SEMA3E: variants seen among roughly 807,000 people sequenced by gnomAD.
SEMA3E encodes semaphorin 3E.
A neutral mutation model predicts 93.6 loss-of-function variants in SEMA3E; 49 were observed. The observed-to-expected ratio is 0.52, with a 90% CI of 0.42 to 0.66. The LOEUF (loss-of-function observed/expected upper bound fraction) is 0.66, where lower values mean the gene tolerates loss of function less well. SEMA3E is among the 30% of genes least tolerant of loss of function. The pLI, the probability that SEMA3E is intolerant of heterozygous loss-of-function variation, is 0.00. For missense variants in SEMA3E, 906 were observed against 964.8 expected (o/e 0.94, Z 0.81); for synonymous variants, 363 against 330.7 (o/e 1.10, Z -1.06).
In SEMA3E at chr7:83,648,460, G is replaced by C. The variant is rs1016063445; in HGVS notation, c.83C>G (p.Thr28Ser). 5 of 1,611,588 alleles carry C rather than the reference G, an allele frequency of 3.1e-6. No individual in the cohort carries two copies. In the African/African-American group the frequency reaches 6.8e-5, roughly 22 times the overall value. Reference sequence around the variant, plus strand: ...TGACAGGCGTAACCGGGGGTGGGTAGTATCAGCTGTATGACCTCCTGTCCA... The same window carrying C: ...TGACAGGCGTAACCGGGGGTGGGTACTATCAGCTGTATGACCTCCTGTCCA... The part of the protein sequence containing the change: ...ELWTGGHTAD[T>S]THPRLRLSHK... The change falls in exon 1 of 17, where the codon ACT (threonine) becomes AGT (serine). Residue 28 changes from threonine to serine, a missense_variant. By Grantham distance (58) the Thr-to-Ser change is moderately conservative. Transcript: ENST00000643230.
At chr7:83,428,738 GT>G (rs1376492984) in intron 4 of SEMA3E, among the ~76,000 whole-genome samples, 2 of 151,962 alleles carry the variant, frequency 1.3e-5, no homozygotes, top group Admixed American at 6.6e-5. Context: ...TTTTAATTGC[GT>G]TTTAACATTT....
At position 83,419,043 on chromosome 7, in the gene SEMA3E, C is replaced by A. The variant is rs147846581; in HGVS notation, c.457-560G>T. 2.2e-3 allele frequency among the ~76,000 whole-genome samples: 335 copies of A among 152,008 alleles called. 5 individuals carry two copies. Among genetic ancestry groups the A allele is most frequent in the Non-Finnish European group, 2.2e-3 (147 of 67,966 alleles). On this transcript the variant is annotated intron_variant, in intron 4 of 16. Transcript: ENST00000643230. ...CAGGCATTTTGTCAGCCCCTGCCCC[C>A]CTACGTCTCATCCCCCTCCAGTGGT... is the stretch of plus-strand genomic sequence containing the variant.
At chr7:83,580,740 A>G (rs944976789) in intron 1 of SEMA3E, among the ~76,000 whole-genome samples, 2 of 151,978 alleles carry the variant, frequency 1.3e-5, no homozygotes, top group Admixed American at 1.3e-4. Context: ...CGTAACTGTC[A>G]ATTTATATAA....
chr7:83,641,366 T>C (rs1794006526), intron 1 of SEMA3E: 4 of 985,388 alleles, frequency 4.1e-6, no homozygotes, highest in Non-Finnish European at 4.8e-6. Context: ...TGGGAGACTT[T>C]CTTTCACTTT....
chr7:83,439,937 T>A (rs1041891491), intron 4 of SEMA3E, among the ~76,000 whole-genome samples: 4 of 152,310 alleles, frequency 2.6e-5, no homozygotes, highest in South Asian at 4.1e-4. Context: ...TGATCAGTGG[T>A]AAAAGAATGT....
chr7:83,585,911 C>G (rs1792616876), intron 1 of SEMA3E, among the ~76,000 whole-genome samples: 1 of 152,118 alleles, frequency 6.6e-6, no homozygotes, highest in African/African-American at 2.4e-5. Flanking sequence ...GCCTTGCTAC[C>G]TACTTCATGA....
At chr7:83,578,377 C>T (rs1792451822) in intron 1 of SEMA3E, among the ~76,000 whole-genome samples, 2 of 152,016 alleles carry the variant, frequency 1.3e-5, no homozygotes, top group East Asian at 1.9e-4. Context: ...GCTAACATGG[C>T]GAAACCCACC....
At chr7:83,536,388 A>G (rs1388550926) in intron 1 of SEMA3E, among the ~76,000 whole-genome samples, 1 of 152,148 alleles carries the variant, frequency 6.6e-6, no homozygotes, top group Non-Finnish European at 1.5e-5. Flanking sequence ...AATTTTTTAA[A>G]ATAGTACAAT....
chr7:83,495,057 C>G (rs944129058), intron 1 of SEMA3E, among the ~76,000 whole-genome samples: 3 of 151,848 alleles, frequency 2.0e-5, no homozygotes, highest in Non-Finnish European at 4.4e-5. Flanking sequence ...TGTCTTTATC[C>G]ATGAACAAAT....
intron 4 of SEMA3E, among the ~76,000 whole-genome samples, chr7:83,441,189 AG>A: frequency 6.6e-6 from 1 of 152,332 alleles, no homozygotes; most frequent in East Asian, 1.9e-4. Context: ...TACAGCCAAA[AG>A]GATTCTGCTA....
intron 3 of SEMA3E, among the ~76,000 whole-genome samples, chr7:83,468,473 G>T (rs940296641): frequency 6.6e-6 from 1 of 152,092 alleles, no homozygotes; most frequent in African/African-American, 2.4e-5. Context: ...ACAGGAATGT[G>T]CTGACTCACT....
Position 83,497,610 on chromosome 7 carries a change from G to T in SEMA3E, c.116-7336C>A, listed in dbSNP as rs184618483. ...ATGCTTTGATGATTTTGACAGATTT[G>T]ACTGATGATCACTAGTGGCTTATGA... On this transcript the variant is annotated intron_variant, in intron 1 of 16. Transcript: ENST00000643230. Among the ~76,000 whole-genome samples, 7 of 152,302 alleles carry T rather than the reference G, an allele frequency of 4.6e-5. No individual in the cohort carries two copies. In the East Asian group the frequency reaches 1.4e-3, roughly 29 times the overall value.
At chr7:83,392,362 A>C (rs1788035268) in intron 14 of SEMA3E, among the ~76,000 whole-genome samples, 193 bp downstream of exon 14, 1 of 152,006 alleles carries the variant, frequency 6.6e-6, no homozygotes, top group Admixed American at 6.6e-5. Context: ...TTGCAGCAAA[A>C]GTTTCAAAAG....
chr7:83,466,169 G>A (rs1789751636), intron 4 of SEMA3E, among the ~76,000 whole-genome samples: 2 of 152,078 alleles, frequency 1.3e-5, no homozygotes, highest in South Asian at 4.1e-4. Context: ...CAGTTTGGTG[G>A]TTAAATTAAT....
intron 11 of SEMA3E, among the ~76,000 whole-genome samples, chr7:83,399,389 A>G (rs989011786): frequency 6.6e-6 from 1 of 152,130 alleles, no homozygotes; most frequent in Non-Finnish European, 1.5e-5. Context: ...ACTTTGTTTT[A>G]TTAATGCAGG....
At chr7:83,505,666 TAC>T (rs1281891728) in intron 1 of SEMA3E, among the ~76,000 whole-genome samples, 5 of 152,042 alleles carry the variant, frequency 3.3e-5, no homozygotes, top group African/African-American at 1.2e-4. Context: ...CCATAAGAAT[TAC>T]AGAATTAGTT....
intron 1 of SEMA3E, among the ~76,000 whole-genome samples, chr7:83,510,686 G>A (rs913240452): frequency 3.3e-5 from 5 of 152,042 alleles, no homozygotes; most frequent in African/African-American, 1.2e-4. Context: ...ATTTTTACCT[G>A]GCAAAAGTTG....
chr7:83,515,568 T>C (rs1186159351), intron 1 of SEMA3E, among the ~76,000 whole-genome samples: 1 of 152,186 alleles, frequency 6.6e-6, no homozygotes, highest in Non-Finnish European at 1.5e-5. Flanking sequence ...AGATTGCCTA[T>C]ACCATAATTA....
At position 83,368,207 on chromosome 7, in the gene SEMA3E, CTCTGTGTG is replaced by C. The variant is rs1459629752; in HGVS notation, c.1876-177_1876-170del. Among the ~76,000 whole-genome samples the C allele has an allele frequency of 1.5e-3, 195 of 129,160 alleles. 2 individuals carry two copies. Among genetic ancestry groups the C allele is most frequent in the Admixed American group, 0.012 (158 of 13,456 alleles). The allele number at this position is 129,160 out of a possible 152,430, so 84.7% of individuals were successfully genotyped here. ...TAAATAATTACATCTCTCTCTCTCT[CTCTGTGTG>C]TGTGTGTGTGTGTGTGTGTGTGTAT... On this transcript the variant is annotated intron_variant, in intron 16 of 16. Transcript: ENST00000643230.
Sources: allele counts gnomAD v4.1 joint callset (sites outside exome capture counted in the v4.1 genomes callset), GRCh38; gene constraint gnomAD v4.1.1; transcripts MANE v1.5; gene names NCBI Gene and HGNC (gene_info 2026-07-23, HGNC 2026-07-21).